The following MRPL3 variants were observed in gnomAD, a reference collection of about 807,000 sequenced individuals.
The protein encoded by MRPL3 is mitochondrial ribosomal protein L3, also known as large ribosomal subunit protein uL3m.
A neutral mutation model predicts 44.3 loss-of-function variants in MRPL3; 43 were observed. The observed-to-expected ratio is 0.97, with a 90% CI of 0.76 to 1.25. The LOEUF (loss-of-function observed/expected upper bound fraction) is 1.25. MRPL3 is among the 50% of genes most tolerant of loss of function. The pLI is 0.00. For synonymous variants in MRPL3, 171 were observed against 152.3 expected (o/e 1.12, Z -0.91); for missense variants, 406 against 427.6 (o/e 0.95, Z 0.45).
chr3:131,479,616 C>T (rs1295977236), intron 6 of MRPL3, among the ~76,000 whole-genome samples: 2 of 152,024 alleles, frequency 1.3e-5, no homozygotes, highest in African/African-American at 4.8e-5. Flanking sequence ...GAGGCTGAGG[C>T]GGGTGGATCA....
chr3:131,502,009 C>T lies in MRPL3; in HGVS notation c.93-294G>A, dbSNP rs1056467174. 55 of 1,101,840 alleles carry T rather than the reference C, an allele frequency of 5.0e-5. No homozygotes were observed. The African/African-American group carries it at 7.1e-4, about 14-fold the overall frequency. 68.3% of individuals were successfully genotyped at this position (1,101,840 alleles called of 1,614,324 possible). A position where few individuals can be genotyped will look rare whatever the true frequency, so the allele number is the denominator to read the frequency against. ...ACCTATAGACATGAAAAGCCACTAA[C>T]CCATTTGGAAGTGTACCTTAATAGT... is the stretch of plus-strand genomic sequence containing the variant. On this transcript the variant is annotated intron_variant, in intron 1 of 9. Coordinates refer to ENST00000264995, the MANE Select transcript of MRPL3 (RefSeq NM_007208.4).
chr3:131,474,731 T>A (rs1309192358), intron 6 of MRPL3, among the ~76,000 whole-genome samples: 1 of 151,758 alleles, frequency 6.6e-6, no homozygotes, highest in Non-Finnish European at 1.5e-5. Context: ...ATAAAAAGAC[T>A]GGAAAAAATT....
At chr3:131,490,953 CT>C (rs1358114024) in intron 4 of MRPL3, among the ~76,000 whole-genome samples, 1 of 152,172 alleles carries the variant, frequency 6.6e-6, no homozygotes, top group Admixed American at 6.5e-5. Context: ...ATTCCCACCC[CT>C]TCTCACCTAT....
At chr3:131,495,477 T>C (rs1387887774) in intron 4 of MRPL3, among the ~76,000 whole-genome samples, 1 of 152,192 alleles carries the variant, frequency 6.6e-6, no homozygotes, top group Non-Finnish European at 1.5e-5. Flanking sequence ...TTCGCAGTAC[T>C]TTCTATGCTA....
chr3:131,471,110 G>C (rs1012705038), intron 7 of MRPL3, 61 bp downstream of exon 7: 15 of 1,148,752 alleles, frequency 1.3e-5, no homozygotes, highest in Admixed American at 5.2e-5. Flanking sequence ...GACGGACTGA[G>C]GACTACATGT....
intron 6 of MRPL3, among the ~76,000 whole-genome samples, chr3:131,480,359 G>A (rs987946800): frequency 3.3e-5 from 5 of 152,178 alleles, no homozygotes; most frequent in Admixed American, 3.3e-4. Context: ...CAGTTGCTTG[G>A]TGTTCCATTC....
intron 6 of MRPL3, among the ~76,000 whole-genome samples, chr3:131,483,682 T>C: frequency 6.6e-6 from 1 of 152,216 alleles, no homozygotes; most frequent in East Asian, 1.9e-4. Flanking sequence ...ATTGTAAGTA[T>C]ATCGTCAAGA....
rs958345003 is a variant in MRPL3, at chr3:131,500,330, A to G, written c.369+100T>C. On this transcript the variant is annotated intron_variant, in intron 3 of 9. Transcript: ENST00000264995. ...TCAACATCACCCCTTTCTTCACCAT[A>G]CAGTTCCATGTTTCAGGACACAAAT... The G allele has an allele frequency of 6.5e-6, 6 of 917,962 alleles. No homozygotes were observed. The African/African-American group carries it at 9.8e-5, about 15-fold the overall frequency. 56.9% of individuals were successfully genotyped at this position (917,962 alleles called of 1,614,324 possible).
At chr3:131,464,567 G>C (rs1933559173) in intron 9 of MRPL3, among the ~76,000 whole-genome samples, 1 of 152,058 alleles carries the variant, frequency 6.6e-6, no homozygotes. Context: ...AAATGTGGGG[G>C]AAGGACAGAC....
intron 6 of MRPL3, among the ~76,000 whole-genome samples, chr3:131,482,946 A>T (rs1934023599): frequency 6.6e-6 from 1 of 150,878 alleles, no homozygotes; most frequent in Non-Finnish European, 1.5e-5. Context: ...AGCAGAAAGC[A>T]TCTTTAGTTT....
Position 131,501,977 on chromosome 3 carries a change from C to G in MRPL3, c.93-262G>C. 2 of 1,421,156 alleles carry G rather than the reference C, an allele frequency of 1.4e-6. 1 individual carries two copies. The highest frequency in any genetic ancestry group is 2.5e-5 in the South Asian group (2 of 81,126). 88.0% of individuals were successfully genotyped at this position (1,421,156 alleles called of 1,614,324 possible). A position where few individuals can be genotyped will look rare whatever the true frequency, so the allele number is the denominator to read the frequency against. ...GCAGATAAACATATTCCCCAAAAAA[C>G]AGTCCTACCTATAGACATGAAAAGC... On this transcript the variant is annotated intron_variant, in intron 1 of 9. Coordinates refer to ENST00000264995, the MANE Select transcript of MRPL3 (RefSeq NM_007208.4).
At chr3:131,464,932 C>CG (rs1414958347) in intron 9 of MRPL3, among the ~76,000 whole-genome samples, 6 of 152,276 alleles carry the variant, frequency 3.9e-5, no homozygotes, top group African/African-American at 1.4e-4. Context: ...TTACCTGCTA[C>CG]GGAGTCACTG....
At chr3:131,470,037 C>T (rs1933706766) in intron 7 of MRPL3, among the ~76,000 whole-genome samples, 4 of 151,944 alleles carry the variant, frequency 2.6e-5, no homozygotes, top group Admixed American at 2.6e-4. Flanking sequence ...GGACCTAATA[C>T]TGGCTAAGAA....
At chr3:131,494,729 A>C (rs1310895750) in intron 4 of MRPL3, among the ~76,000 whole-genome samples, 1 of 152,234 alleles carries the variant, frequency 6.6e-6, no homozygotes, top group Non-Finnish European at 1.5e-5. Flanking sequence ...TATAAAACTA[A>C]TTAGGTCTCA....
intron 4 of MRPL3, among the ~76,000 whole-genome samples, chr3:131,492,322 G>A (rs1934276047): frequency 6.6e-6 from 1 of 151,974 alleles, no homozygotes; most frequent in Non-Finnish European, 1.5e-5. Context: ...TTATCTCCAT[G>A]TGTCATGATA....
intron 3 of MRPL3, 34 bp downstream of exon 3, chr3:131,500,396 T>C (rs375104344): frequency 1.4e-5 from 22 of 1,523,772 alleles, no homozygotes; most frequent in African/African-American, 4.1e-5. Flanking sequence ...TTGAAACACA[T>C]AGATATCTCT....
At position 131,466,335 on chromosome 3, in the gene MRPL3, T is replaced by G. The variant is rs1006582774; in HGVS notation, c.894+1756A>C. 5.3e-5 allele frequency among the ~76,000 whole-genome samples: 8 copies of G among 152,078 alleles called. No individual in the cohort carries two copies. In the South Asian group the frequency reaches 1.7e-3, roughly 31 times the overall value. On this transcript the variant is annotated intron_variant, in intron 9 of 9. Transcript: ENST00000264995. ...ACTCTGGAGAACAGCTGACATAACTTCTAATACAAACTTATTTTCAGCATG... is the reference window on the plus strand; with the variant it reads ...ACTCTGGAGAACAGCTGACATAACTGCTAATACAAACTTATTTTCAGCATG...
intron 6 of MRPL3, among the ~76,000 whole-genome samples, chr3:131,478,654 A>G (rs1049923178): frequency 1.3e-5 from 2 of 151,700 alleles, no homozygotes; most frequent in East Asian, 3.9e-4. Flanking sequence ...CACTATTGTC[A>G]TGAAAAAACA....
chr3:131,494,458 A>G (rs1379981237), intron 4 of MRPL3, among the ~76,000 whole-genome samples: 2 of 152,214 alleles, frequency 1.3e-5, no homozygotes. Flanking sequence ...ATGGACTTCA[A>G]GTTTATTTTT....
Sources: allele counts gnomAD v4.1 joint callset (sites outside exome capture counted in the v4.1 genomes callset), GRCh38; gene constraint gnomAD v4.1.1; transcripts MANE v1.5; gene names NCBI Gene and HGNC (gene_info 2026-07-23, HGNC 2026-07-21).